Variants in TNRC6B observed in about 807,000 individuals in gnomAD.
The protein encoded by TNRC6B is trinucleotide repeat-containing gene 6B protein.
TNRC6B carries 52 observed loss-of-function variants against 203.6 expected under a neutral mutation model. The ratio of observed to expected loss-of-function variants is 0.26; its 90% confidence interval spans 0.20 to 0.32. The LOEUF is 0.32. Ranked by LOEUF, TNRC6B falls within the 10% of genes least tolerant of loss-of-function variation. The pLI is 1.00. For missense variants in TNRC6B, 1,923 were observed against 2,286.2 expected (o/e 0.84, Z 3.24); for synonymous variants, 838 against 845.7 (o/e 0.99, Z 0.16).
Position 40,327,225 on chromosome 22 carries a change from C to G in TNRC6B, c.*3984C>G, listed in dbSNP as rs768441167. 1 of 152,616 alleles carries G rather than the reference C, an allele frequency of 6.6e-6. No individual in the cohort carries two copies. 9.5% of individuals were successfully genotyped at this position (152,616 alleles called of 1,614,324 possible). ...ACCCAGACATCCTGAGCAAGGGGGA[C>G]GCACATGTGTGTGTGTGTGGTCCAG... On this transcript the variant is annotated 3_prime_UTR_variant, in exon 23 of 23. Transcript: ENST00000454349.
intron 2 of TNRC6B, among the ~76,000 whole-genome samples, chr22:40,123,165 AT>A (rs2068459960): frequency 6.6e-6 from 1 of 152,080 alleles, no homozygotes; most frequent in Admixed American, 6.6e-5. Flanking sequence ...TTGGGACACG[AT>A]GGATTTTAAG....
intron 15 of TNRC6B, among the ~76,000 whole-genome samples, chr22:40,305,387 T>G (rs1233155005): frequency 6.6e-6 from 1 of 152,214 alleles, no homozygotes; most frequent in Non-Finnish European, 1.5e-5. Flanking sequence ...TAAGGAAATT[T>G]TGTTTTGCTG....
At chr22:40,119,331 C>T (rs1025963134) in intron 2 of TNRC6B, among the ~76,000 whole-genome samples, 1 of 152,198 alleles carries the variant, frequency 6.6e-6, no homozygotes, top group African/African-American at 2.4e-5. Context: ...CGCCTATAGT[C>T]CCAGCACTTT....
intron 1 of TNRC6B, chr22:40,106,534 T>G (rs2068284943): frequency 5.4e-6 from 4 of 736,426 alleles, no homozygotes; most frequent in African/African-American, 5.2e-5. Flanking sequence ...TACCAAGAGA[T>G]CGAGCAATCA....
At chr22:40,195,221 T>C (rs1043725174) in intron 1 of TNRC6B, among the ~76,000 whole-genome samples, 2 of 152,244 alleles carry the variant, frequency 1.3e-5, no homozygotes, top group Non-Finnish European at 2.9e-5. Flanking sequence ...ATAATGGTTT[T>C]AAAAGAAACA....
chr22:40,269,786 G>T lies in TNRC6B; in HGVS notation c.2807-336G>T, dbSNP rs143919646. On this transcript the variant is annotated intron_variant, in intron 5 of 22. Transcript: ENST00000454349. ...GCCTGTAATCTCAGCTGCTCGGGAG[G>T]CTGAGGCAGGAGAATCGCTTGAACC... Among the ~76,000 whole-genome samples, 464 of 151,550 alleles carry T rather than the reference G, an allele frequency of 3.1e-3. 2 individuals are homozygous for T. The highest frequency in any genetic ancestry group is 0.011 in the African/African-American group (444 of 41,320).
chr22:40,179,855 T>C (rs889891115), intron 1 of TNRC6B, among the ~76,000 whole-genome samples: 4 of 152,208 alleles, frequency 2.6e-5, no homozygotes, highest in Admixed American at 6.5e-5. Flanking sequence ...ACTTTCACGC[T>C]AATTTAACAA....
In TNRC6B at chr22:40,218,324, C is replaced by CTTTTTTTTTTTTT. The variant is rs71199275; in HGVS notation, c.6-27683_6-27671dup. Among the ~76,000 whole-genome samples the CTTTTTTTTTTTTT allele has an allele frequency of 2.5e-3, 240 of 97,454 alleles. 3 individuals are homozygous for CTTTTTTTTTTTTT. The highest frequency in any genetic ancestry group is 4.2e-3 in the East Asian group (13 of 3,108). The allele number at this position is 97,454 out of a possible 152,430, so 63.9% of individuals were successfully genotyped here. On this transcript the variant is annotated intron_variant, in intron 1 of 22. Coordinates refer to ENST00000454349, the MANE Select transcript of TNRC6B (RefSeq NM_001162501.2). Reference sequence around the variant, plus strand: ...TGATTTTTTTTTTCTTTTTTCTTTTCTTTTTTTTTTTTTTTTTTTTGAGAC... The same window carrying CTTTTTTTTTTTTT: ...TGATTTTTTTTTTCTTTTTTCTTTTCTTTTTTTTTTTTTTTTTTTTTTTTTTTTTTTTTGAGAC...
At chr22:40,291,377 T>G (rs2070867484) in intron 12 of TNRC6B, among the ~76,000 whole-genome samples, 1 of 151,950 alleles carries the variant, frequency 6.6e-6, no homozygotes, top group South Asian at 2.1e-4. Context: ...AGTGATATCC[T>G]GTCTTAAAAA....
intron 1 of TNRC6B, among the ~76,000 whole-genome samples, chr22:40,242,325 T>G (rs1285232015): frequency 6.6e-6 from 1 of 152,256 alleles, no homozygotes; most frequent in Non-Finnish European, 1.5e-5. Context: ...AATAACTAAT[T>G]TAGATCCAAC....
Position 40,281,183 on chromosome 22 carries a change from C to G in TNRC6B, c.3476C>G (p.Ser1159Cys). The change falls in exon 11 of 23, where the codon TCC (serine) becomes TGC (cysteine). Residue 1159 changes from serine to cysteine, a missense_variant. Ser to Cys is a moderately radical substitution (Grantham distance 112). This residue lies in a region of TNRC6B where 599 missense variants were observed against 656.5 expected (regional missense o/e 0.91). Coordinates refer to ENST00000454349, the MANE Select transcript of TNRC6B (RefSeq NM_001162501.2). ...GATGAGGCTCCCTGCTCTCCCTTCT[C>G]CCCTTCTCCCAGCTACAAGCTGTCT... ...LGDEAPCSPF[S>C]PSPSYKLSPS... The G allele has an allele frequency of 1.3e-6, 2 of 1,551,572 alleles. No individual in the cohort carries two copies. The highest frequency in any genetic ancestry group is 8.7e-7 in the Non-Finnish European group (1 of 1,146,920).
intron 1 of TNRC6B, among the ~76,000 whole-genome samples, chr22:40,219,692 C>T (rs1429084396): frequency 3.3e-5 from 5 of 152,182 alleles, no homozygotes; most frequent in South Asian, 2.1e-4. Flanking sequence ...CTACCTGGAT[C>T]GTTCTTCCCC....
intron 1 of TNRC6B, among the ~76,000 whole-genome samples, chr22:40,211,113 ATCTTCT>A (rs35833168): frequency 5.9e-5 from 9 of 151,582 alleles, no homozygotes; most frequent in African/African-American, 2.2e-4. Flanking sequence ...TTTCTTCTTC[ATCTTCT>A]TCTTCTTTTT....
chr22:40,254,644 T>C (rs1289258833), intron 3 of TNRC6B, among the ~76,000 whole-genome samples: 1 of 152,176 alleles, frequency 6.6e-6, no homozygotes, highest in East Asian at 1.9e-4. Flanking sequence ...TGCCAACACT[T>C]TGGGAGGCCG....
At chr22:40,217,922 G>A (rs2069656322) in intron 1 of TNRC6B, among the ~76,000 whole-genome samples, 1 of 149,642 alleles carries the variant, frequency 6.7e-6, no homozygotes, top group Non-Finnish European at 1.5e-5. Context: ...GCAGTGAGCC[G>A]AGGTCACGCT....
At chr22:40,254,147 T>A (rs1173725802) in intron 3 of TNRC6B, among the ~76,000 whole-genome samples, 1 of 152,184 alleles carries the variant, frequency 6.6e-6, no homozygotes, top group Non-Finnish European at 1.5e-5. Flanking sequence ...TAGAGCTGGC[T>A]TGCTACCAGG....
Position 40,265,000 on chromosome 22 carries a change from G to A in TNRC6B, c.770G>A (p.Gly257Glu), listed in dbSNP as rs2070452770. ...AGTTCTGGGAACGAATGTAATCTTG[G>A]GGTCTGGAAATCTGACCCTAAGGCT... The part of the protein sequence containing the change: ...SASSGNECNL[G>E]VWKSDPKAKS... Residue 257 changes from glycine to glutamate, a missense_variant, in exon 5 of 23, where the codon GGG (glycine) becomes GAG (glutamate). Gly to Glu is a moderately conservative substitution (Grantham distance 98). Around this residue, in one of 8 missense-constraint regions of TNRC6B, gnomAD observed 614 missense variants for 587.7 expected, o/e 1.04. Transcript: ENST00000454349. The A allele has an allele frequency of 1.2e-6, 2 of 1,613,816 alleles. No individual in the cohort carries two copies. The highest frequency in any genetic ancestry group is 2.2e-5 in the South Asian group (2 of 91,078).
chr22:40,051,271 A>C (rs2067742063), intron 1 of TNRC6B, among the ~76,000 whole-genome samples: 1 of 152,146 alleles, frequency 6.6e-6, no homozygotes, highest in African/African-American at 2.4e-5. Context: ...TCTGCATGGA[A>C]TCCCTTATCA....
chr22:40,311,379 C>T (rs974255001), intron 17 of TNRC6B, among the ~76,000 whole-genome samples: 6 of 152,074 alleles, frequency 3.9e-5, no homozygotes, highest in Non-Finnish European at 4.4e-5. Flanking sequence ...CTGTCCCTCC[C>T]TTTTGTTGGA....
Sources: gnomAD v4.1 joint callset for allele counts (sites outside exome capture counted in the v4.1 genomes callset) on GRCh38, gnomAD v4.1.1 for gene constraint, gnomAD v4.1.1 regional missense constraint, MANE v1.5 for transcripts, NCBI Gene and HGNC (gene_info 2026-07-23, HGNC 2026-07-21) for gene names.